Variants in RPL37 observed in about 807,000 individuals in gnomAD.
RPL37 encodes the protein ribosomal protein L37.
RPL37 carries 1 observed loss-of-function variant against 14.8 expected under a neutral mutation model. The ratio of observed to expected loss-of-function variants is 0.07; its 90% confidence interval spans 0.02 to 0.32. The LOEUF (loss-of-function observed/expected upper bound fraction) is 0.32, where lower values mean the gene tolerates loss of function less well. RPL37 is among the 10% of genes least tolerant of loss of function. RPL37 has a pLI of 1.00. For missense variants in RPL37, 100 were observed against 128.3 expected (o/e 0.78, Z 1.06); for synonymous variants, 53 against 45.8 (o/e 1.16, Z -0.63).
In RPL37 at chr5:40,831,634, C is replaced by T. The variant is rs1460501890; in HGVS notation, c.*870G>A. 6.6e-6 allele frequency: 1 copy of T among 152,274 alleles called. No individual in the cohort carries two copies. The highest frequency in any genetic ancestry group is 1.5e-5 in the Non-Finnish European group (1 of 68,020). 9.4% of individuals were successfully genotyped at this position (152,274 alleles called of 1,614,324 possible). On this transcript the variant is annotated 3_prime_UTR_variant, in exon 4 of 4. Coordinates refer to ENST00000274242, the MANE Select transcript of RPL37 (RefSeq NM_000997.5). ...CTTCAACTGCCCCTGCCCTCTCACT[C>T]AGCAGTCCAGTTGACTTTGTCCCTT...
At position 40,831,661 on chromosome 5, in the gene RPL37, A is replaced by AT. The variant is rs1745641837; in HGVS notation, c.*842dup. On this transcript the variant is annotated 3_prime_UTR_variant, in exon 4 of 4. Transcript: ENST00000274242. ...GCAGTCCAGTTGACTTTGTCCCTTCATTTTAAAAAAACAAAAAAAACCCCC... is the reference window on the plus strand; with the variant it reads ...GCAGTCCAGTTGACTTTGTCCCTTCATTTTTAAAAAAACAAAAAAAACCCCC... The AT allele has an allele frequency of 6.6e-6, 1 of 152,256 alleles. No homozygotes were observed. Among genetic ancestry groups the AT allele is most frequent in the South Asian group, 2.1e-4 (1 of 4,824 alleles). The allele number at this position is 152,256 out of a possible 1,614,324, so 9.4% of individuals were successfully genotyped here.
Position 40,827,592 on chromosome 5 carries a change from T to C in RPL37, c.*4912A>G, listed in dbSNP as rs978965130. Reference sequence around the variant, plus strand: ...TATAAAGACACAAACATAAAAGCAATGTTTTGATCTGAATCCAATCCACAC... The same window carrying C: ...TATAAAGACACAAACATAAAAGCAACGTTTTGATCTGAATCCAATCCACAC... On this transcript the variant is annotated 3_prime_UTR_variant, in exon 4 of 4. Transcript: ENST00000274242. 6.6e-5 allele frequency: 10 copies of C among 152,182 alleles called. No homozygotes were observed. Among genetic ancestry groups the C allele is most frequent in the African/African-American group, 2.4e-4 (10 of 41,452 alleles). The allele number at this position is 152,182 out of a possible 1,614,324, so 9.4% of individuals were successfully genotyped here.
At position 40,834,099 on chromosome 5, in the gene RPL37, G is replaced by A. The variant is rs192529230; in HGVS notation, c.224+82C>T. On this transcript the variant is annotated intron_variant, in intron 3 of 3. Transcript: ENST00000274242. ...CATCTCATCCCCAGTAACCATCAGG[G>A]TACTGTTATCTTTTTACAAGTAAAC... The A allele has an allele frequency of 1.3e-4, 124 of 943,224 alleles. No individual in the cohort carries two copies. The East Asian group carries it at 2.6e-3, about 20-fold the overall frequency. The allele number at this position is 943,224 out of a possible 1,614,324, so 58.4% of individuals were successfully genotyped here.
In RPL37 at chr5:40,832,482, G is replaced by A. The variant is rs14899; in HGVS notation, c.*22C>T. 6.3e-7 allele frequency: 1 copy of A among 1,599,516 alleles called. No individual in the cohort carries two copies. Among genetic ancestry groups the A allele is most frequent in the African/African-American group, 1.3e-5 (1 of 74,702 alleles). ...ATTTTTTAAAACCAGAACATTTATT[G>A]CATGACTAATCGTTGACATTCTTAA... On this transcript the variant is annotated 3_prime_UTR_variant, in exon 4 of 4. Transcript: ENST00000274242.
rs1374730443 is a variant in RPL37 at position 40,834,553 on chromosome 5, G to A, written c.57C>T (p.Cys19=). Residue 19 remains cysteine (C), a synonymous_variant, in exon 2 of 4, where the codon TGC becomes TGT. Transcript: ENST00000274242. ...GGTAGGCCTTAGAGCCACAGCGGCG[G>A]CACAACGTGTGCGTCTTATTGCGAC... ...GKRRNKTHTL[C]RRCGSKAYHL... The A allele has an allele frequency of 6.2e-7, 1 of 1,614,022 alleles. No homozygotes were observed. The highest frequency in any genetic ancestry group is 8.5e-7 in the Non-Finnish European group (1 of 1,180,018).
rs1352915980 is a variant in RPL37, at chr5:40,825,747, T to A, written c.*6757A>T. On this transcript the variant is annotated 3_prime_UTR_variant, in exon 4 of 4. Coordinates refer to ENST00000274242, the MANE Select transcript of RPL37 (RefSeq NM_000997.5). The stretch of plus-strand genomic sequence containing the variant: ...TTTTTTGAGACAGTCTCGCTGTCAC[T>A]GAGGCTGGAGTGCAGTGGTGCAATC... 6.6e-6 allele frequency: 1 copy of A among 152,378 alleles called. No homozygotes were observed. Among genetic ancestry groups the A allele is most frequent in the East Asian group, 1.9e-4 (1 of 5,210 alleles). The allele number at this position is 152,378 out of a possible 1,614,324, so 9.4% of individuals were successfully genotyped here.
In RPL37 at chr5:40,835,203, G is replaced by A. The variant is rs926422971; in HGVS notation, c.-18C>T. On this transcript the variant is annotated 5_prime_UTR_variant, in exon 1 of 4. Transcript: ENST00000274242. ...CTCACCATCTCGCTTCTGCGGCCGAGACCAGAAAGACCGGAAGAGAAGGCA... is the reference window on the plus strand; with the variant it reads ...CTCACCATCTCGCTTCTGCGGCCGAAACCAGAAAGACCGGAAGAGAAGGCA... 3.1e-6 allele frequency: 5 copies of A among 1,613,950 alleles called. No homozygotes were observed. The highest frequency in any genetic ancestry group is 2.2e-5 in the East Asian group (1 of 44,880).
intron 3 of RPL37, 58 bp from the exon 4 acceptor site, chr5:40,832,631 A>G (rs1009121479): frequency 1.5e-6 from 2 of 1,325,752 alleles, no homozygotes; most frequent in African/African-American, 2.9e-5. Flanking sequence ...CATACATTTT[A>G]ATTTTTGTTA....
At chr5:40,835,108 C>T (rs1745736870) in intron 1 of RPL37, 75 bp downstream of exon 1, 2 of 1,605,094 alleles carry the variant, frequency 1.2e-6, no homozygotes, top group Non-Finnish European at 1.7e-6. Context: ...TTGCCAGCCC[C>T]CCAAGCACAG....
At position 40,831,293 on chromosome 5, in the gene RPL37, T is replaced by A. The variant is rs1745635725; in HGVS notation, c.*1211A>T. ...AAGAAAGGCAATGGCAATTGGACTCTAACCATACATCTTTAAAGTATAGTC... is the reference window on the plus strand; with the variant it reads ...AAGAAAGGCAATGGCAATTGGACTCAAACCATACATCTTTAAAGTATAGTC... On this transcript the variant is annotated 3_prime_UTR_variant, in exon 4 of 4. Coordinates refer to ENST00000274242, the MANE Select transcript of RPL37 (RefSeq NM_000997.5). 1 of 152,328 alleles carries A rather than the reference T, an allele frequency of 6.6e-6. No individual in the cohort carries two copies. Among genetic ancestry groups the A allele is most frequent in the Non-Finnish European group, 1.5e-5 (1 of 68,048 alleles). 9.4% of individuals were successfully genotyped at this position (152,328 alleles called of 1,614,324 possible). A position where few individuals can be genotyped will look rare whatever the true frequency, so the allele number is the denominator to read the frequency against.
rs1197593181 is a variant in RPL37, at chr5:40,827,235, C to T, written c.*5269G>A. ...AGCCAGCCAGCCAAGGAAGAACTAC[C>T]CTATCTCCTCACTCCTCACCTTTTG... is the stretch of plus-strand genomic sequence containing the variant. On this transcript the variant is annotated 3_prime_UTR_variant, in exon 4 of 4. Transcript: ENST00000274242. 6.6e-6 allele frequency: 1 copy of T among 152,202 alleles called. No homozygotes were observed. Among genetic ancestry groups the T allele is most frequent in the Non-Finnish European group, 1.5e-5 (1 of 68,100 alleles). 9.4% of individuals were successfully genotyped at this position (152,202 alleles called of 1,614,324 possible). A position where few individuals can be genotyped will look rare whatever the true frequency, so the allele number is the denominator to read the frequency against.
In RPL37 at chr5:40,832,193, A is replaced by C. The variant is rs978542418; in HGVS notation, c.*311T>G. 12 of 310,338 alleles carry C rather than the reference A, an allele frequency of 3.9e-5. No individual in the cohort carries two copies. The highest frequency in any genetic ancestry group is 2.5e-4 in the African/African-American group (12 of 47,678). 19.2% of individuals were successfully genotyped at this position (310,338 alleles called of 1,614,324 possible). ...TCTTTCAAATTTACTCAAACATCTAAAATACCCACCTATGCCACATGAGCT... is the reference window on the plus strand; with the variant it reads ...TCTTTCAAATTTACTCAAACATCTACAATACCCACCTATGCCACATGAGCT... On this transcript the variant is annotated 3_prime_UTR_variant, in exon 4 of 4. Transcript: ENST00000274242.
rs767107667 is a variant in RPL37, at chr5:40,835,167, C to G, written c.3+16G>C. On this transcript the variant is annotated intron_variant, in intron 1 of 3. Coordinates refer to ENST00000274242, the MANE Select transcript of RPL37 (RefSeq NM_000997.5). The stretch of plus-strand genomic sequence containing the variant: ...AGGATGGAACGCGATTCACAAACAC[C>G]ACAGTCACAACTCACCATCTCGCTT... 17 of 1,613,966 alleles carry G rather than the reference C, an allele frequency of 1.1e-5. No individual in the cohort carries two copies. The Middle Eastern group carries it at 4.9e-4, about 47-fold the overall frequency.
intron 3 of RPL37, 28 bp downstream of exon 3, chr5:40,834,153 C>T: frequency 6.6e-7 from 1 of 1,520,760 alleles, no homozygotes; most frequent in South Asian, 1.1e-5. Context: ...CCCACTGGAC[C>T]AATTATGATC....
At chr5:40,834,640 T>C in intron 1 of RPL37, 34 bp from the exon 2 acceptor site, 6 of 1,568,850 alleles carry the variant, frequency 3.8e-6, no homozygotes, top group Non-Finnish European at 5.2e-6. Context: ...TTCTGAAACC[T>C]GGCAACTTCT....
rs1012981312 is a variant in RPL37, at chr5:40,832,305, C to T, written c.*199G>A. Reference sequence around the variant, plus strand: ...CTGCTTGTTTCTCATTGCCTTTAACCGTGTTACAAACCCAGTCCAAAAGTA... The same window carrying T: ...CTGCTTGTTTCTCATTGCCTTTAACTGTGTTACAAACCCAGTCCAAAAGTA... On this transcript the variant is annotated 3_prime_UTR_variant, in exon 4 of 4. Transcript: ENST00000274242. The T allele has an allele frequency of 3.3e-5, 20 of 597,594 alleles. No individual in the cohort carries two copies. Among genetic ancestry groups the T allele is most frequent in the South Asian group, 2.6e-4 (14 of 54,632 alleles). The allele number at this position is 597,594 out of a possible 1,614,324, so 37.0% of individuals were successfully genotyped here.
chr5:40,826,159 T>G lies in RPL37; in HGVS notation c.*6345A>C, dbSNP rs1239994939. On this transcript the variant is annotated 3_prime_UTR_variant, in exon 4 of 4. Transcript: ENST00000274242. ...AACACTCCTCAGGAGTTCAAATAATTTTAATCATTTTTAAGGCAAAGAAAA... is the reference window on the plus strand; with the variant it reads ...AACACTCCTCAGGAGTTCAAATAATGTTAATCATTTTTAAGGCAAAGAAAA... 2.0e-5 allele frequency: 3 copies of G among 152,180 alleles called. No homozygotes were observed. Among genetic ancestry groups the G allele is most frequent in the Non-Finnish European group, 4.4e-5 (3 of 68,032 alleles). 9.4% of individuals were successfully genotyped at this position (152,180 alleles called of 1,614,324 possible). A position where few individuals can be genotyped will look rare whatever the true frequency, so the allele number is the denominator to read the frequency against.
rs1554036066 is a variant in RPL37 at position 40,829,675 on chromosome 5, G to GCA, written c.*2828_*2829insTG. 2.9e-4 allele frequency: 19 copies of GCA among 65,872 alleles called. No homozygotes were observed. Among genetic ancestry groups the GCA allele is most frequent in the Non-Finnish European group, 5.4e-4 (17 of 31,692 alleles). 4.1% of individuals were successfully genotyped at this position (65,872 alleles called of 1,614,324 possible). A position where few individuals can be genotyped will look rare whatever the true frequency, so the allele number is the denominator to read the frequency against. ...TATCCATCATAGTGTGTGTGTGTGTGTGTATATATATATATATATATATCA... is the reference window on the plus strand; with the variant it reads ...TATCCATCATAGTGTGTGTGTGTGTGCATGTATATATATATATATATATATCA... On this transcript the variant is annotated 3_prime_UTR_variant, in exon 4 of 4. Coordinates refer to ENST00000274242, the MANE Select transcript of RPL37 (RefSeq NM_000997.5).
rs1351918656 is a variant in RPL37, at chr5:40,829,673, G to GTATACA, written c.*2830_*2831insTGTATA. The GTATACA allele has an allele frequency of 3.6e-5, 2 of 54,944 alleles. No individual in the cohort carries two copies. The highest frequency in any genetic ancestry group is 7.2e-5 in the Non-Finnish European group (2 of 27,652). 3.4% of individuals were successfully genotyped at this position (54,944 alleles called of 1,614,324 possible). On this transcript the variant is annotated 3_prime_UTR_variant, in exon 4 of 4. Coordinates refer to ENST00000274242, the MANE Select transcript of RPL37 (RefSeq NM_000997.5). Reference sequence around the variant, plus strand: ...TTTATCCATCATAGTGTGTGTGTGTGTGTGTATATATATATATATATATAT... The same window carrying GTATACA: ...TTTATCCATCATAGTGTGTGTGTGTGTATACATGTGTATATATATATATATATATAT...
Sources: allele counts gnomAD v4.1 joint callset, GRCh38; gene constraint gnomAD v4.1.1; transcripts MANE v1.5; gene names NCBI Gene and HGNC (gene_info 2026-07-23, HGNC 2026-07-21).